RIMBP2: variants seen among roughly 807,000 people sequenced by gnomAD.
RIMBP2 encodes RIMS-binding protein 2.
Under a neutral mutation model 118.6 loss-of-function variants are expected in RIMBP2, and 48 were observed. The observed-to-expected ratio is 0.40, with a 90% CI of 0.32 to 0.51. The LOEUF is 0.51. RIMBP2 is among the 20% of genes least tolerant of loss of function. The pLI, the probability that RIMBP2 is intolerant of heterozygous loss-of-function variation, is 0.41. For synonymous variants in RIMBP2, 762 were observed against 742.9 expected (o/e 1.03, Z -0.42); for missense variants, 1,551 against 1,768.3 (o/e 0.88, Z 2.20).
At chr12:130,643,414 C>T (rs1405474558) in intron 1 of RIMBP2, among the ~76,000 whole-genome samples, 1 of 152,168 alleles carries the variant, frequency 6.6e-6, no homozygotes, top group Non-Finnish European at 1.5e-5. Context: ...GGACCAGGAC[C>T]ATGGAAGCAC....
intron 1 of RIMBP2, among the ~76,000 whole-genome samples, chr12:130,664,399 G>GCACGCACGCA (rs1566438854): frequency 2.1e-5 from 1 of 48,326 alleles, no homozygotes; most frequent in African/African-American, 5.6e-5. Context: ...GCACACACAC[G>GCACGCACGCA]CACGCACGCA....
chr12:130,475,744 C>G lies in RIMBP2; in HGVS notation c.102+3168G>C, dbSNP rs1420107857. Among the ~76,000 whole-genome samples, 2 of 151,952 alleles carry G rather than the reference C, an allele frequency of 1.3e-5. No individual in the cohort carries two copies. The highest frequency in any genetic ancestry group is 4.8e-5 in the African/African-American group (2 of 41,364). On this transcript the variant is annotated intron_variant, in intron 5 of 22. Coordinates refer to ENST00000690449, the MANE Select transcript of RIMBP2 (RefSeq NM_001393629.1). This position sits in a 1 kb window ranked among gnomAD's most constrained non-coding sequence, Gnocchi z 4.1. ...ATGGGTACACAGAGAAGTAAGACAA[C>G]AAGCAAACAAAAAAGGCAATTAACT...
chr12:130,605,012 G>C (rs56107871), intron 2 of RIMBP2, among the ~76,000 whole-genome samples: 39 of 151,912 alleles, frequency 2.6e-4, no homozygotes, highest in Non-Finnish European at 2.4e-4. Flanking sequence ...TCCTGCACAG[G>C]TGTGTAGCCC....
chr12:130,450,663 C>G lies in RIMBP2; in HGVS notation c.505-387G>C, dbSNP rs575771779. ...CCCCAGTGATCCCACTCTCACTCCC[C>G]CTAGTGCATTCCCCACACAAGCTGG... On this transcript the variant is annotated intron_variant, in intron 8 of 22. Coordinates refer to ENST00000690449, the MANE Select transcript of RIMBP2 (RefSeq NM_001393629.1). This position sits in a 1 kb window ranked among gnomAD's most constrained non-coding sequence, Gnocchi z 4.8. Among the ~76,000 whole-genome samples, 46 of 152,028 alleles carry G rather than the reference C, an allele frequency of 3.0e-4. 1 individual carries two copies. The highest frequency in any genetic ancestry group is 2.4e-3 in the Admixed American group (36 of 15,272).
At chr12:130,533,069 G>A (rs140934696) in intron 2 of RIMBP2, among the ~76,000 whole-genome samples, 27 of 148,426 alleles carry the variant, frequency 1.8e-4, no homozygotes, top group African/African-American at 5.7e-4. Context: ...AATGAGATGC[G>A]TATGTTTAGC....
At chr12:130,449,096 G>A (rs903290636) in intron 9 of RIMBP2, among the ~76,000 whole-genome samples, 1 of 152,234 alleles carries the variant, frequency 6.6e-6, no homozygotes, top group Non-Finnish European at 1.5e-5. Flanking sequence ...GAAGGGCAGG[G>A]ATATCTGCCT....
At chr12:130,690,888 T>G (rs1024062348) in intron 1 of RIMBP2, among the ~76,000 whole-genome samples, 18 of 151,938 alleles carry the variant, frequency 1.2e-4, no homozygotes, top group Admixed American at 1.2e-3. Context: ...CGCTCCCCAG[T>G]GAGATGCCCT....
At chr12:130,474,926 G>C (rs1160700638) in intron 5 of RIMBP2, among the ~76,000 whole-genome samples, 1 of 152,210 alleles carries the variant, frequency 6.6e-6, no homozygotes, top group African/African-American at 2.4e-5. Context: ...ACTGACATGA[G>C]ACGCTCCGTA....
chr12:130,643,881 G>A (rs368019623), intron 1 of RIMBP2, among the ~76,000 whole-genome samples: 52 of 152,146 alleles, frequency 3.4e-4, no homozygotes, highest in African/African-American at 1.2e-3. Context: ...TGGGGTCTGC[G>A]AGGGGCAGCG....
chr12:130,671,218 C>G (rs1336563371), intron 1 of RIMBP2, among the ~76,000 whole-genome samples: 2 of 152,238 alleles, frequency 1.3e-5, no homozygotes, highest in South Asian at 4.2e-4. Flanking sequence ...CGGCCCTGAT[C>G]CAATGTCACA....
chr12:130,428,364 A>G, intron 14 of RIMBP2, 27 bp from the exon 15 acceptor site: 1 of 1,588,080 alleles, frequency 6.3e-7, no homozygotes, highest in Non-Finnish European at 8.6e-7. Flanking sequence ...GGGGCTACTG[A>G]GCGGGTGGCT....
chr12:130,417,159 T>A (rs2136577805), intron 17 of RIMBP2, among the ~76,000 whole-genome samples: 1 of 152,246 alleles, frequency 6.6e-6, no homozygotes, highest in African/African-American at 2.4e-5. Context: ...GGAAATTAGT[T>A]CAGCCACTGT....
At chr12:130,694,127 G>A (rs751641782) in intron 1 of RIMBP2, among the ~76,000 whole-genome samples, 1 of 152,168 alleles carries the variant, frequency 6.6e-6, no homozygotes, top group Non-Finnish European at 1.5e-5. Context: ...CAAGCATGTG[G>A]ACCAGAAGGG....
intron 7 of RIMBP2, among the ~76,000 whole-genome samples, chr12:130,452,122 A>G (rs1051821283): frequency 1.3e-5 from 2 of 152,176 alleles, no homozygotes; most frequent in Admixed American, 6.5e-5. Flanking sequence ...GGTGTGAAAC[A>G]TGACGCGGCT....
chr12:130,585,205 T>C (rs2058804918), intron 2 of RIMBP2, among the ~76,000 whole-genome samples: 1 of 152,098 alleles, frequency 6.6e-6, no homozygotes, highest in Non-Finnish European at 1.5e-5. Flanking sequence ...TCCAGCCCCA[T>C]CATTGCTACC....
chr12:130,678,540 C>G (rs1365467331), intron 1 of RIMBP2, among the ~76,000 whole-genome samples: 1 of 151,996 alleles, frequency 6.6e-6, no homozygotes, highest in Non-Finnish European at 1.5e-5. Context: ...CTTTTTGAGA[C>G]AGAGTCTCAC....
rs73444594 is a variant in RIMBP2, at chr12:130,433,102, T to C, written c.2253+1632A>G. On this transcript the variant is annotated intron_variant, in intron 14 of 22. Coordinates refer to ENST00000690449, the MANE Select transcript of RIMBP2 (RefSeq NM_001393629.1). The stretch of plus-strand genomic sequence containing the variant: ...GCTATGGGACTCCTCCTAACTCTCA[T>C]TTACAACCCAGACCACGCAACTCCA... Among the ~76,000 whole-genome samples, 1,312 of 152,272 alleles carry C rather than the reference T, an allele frequency of 8.6e-3. 19 individuals are homozygous for C. The highest frequency in any genetic ancestry group is 0.03 in the African/African-American group (1,251 of 41,546).
chr12:130,618,177 G>C (rs1057367148), intron 2 of RIMBP2, among the ~76,000 whole-genome samples: 2 of 152,032 alleles, frequency 1.3e-5, no homozygotes, highest in Non-Finnish European at 2.9e-5. Flanking sequence ...GTCAATGCCA[G>C]GCCTAATATT....
At chr12:130,679,296 A>G (rs2136530966) in intron 1 of RIMBP2, among the ~76,000 whole-genome samples, 1 of 152,340 alleles carries the variant, frequency 6.6e-6, no homozygotes, top group East Asian at 1.9e-4. Context: ...TATCCAGTAC[A>G]GAGCCTGGCA....
Sources: gnomAD v4.1 joint callset for allele counts (sites outside exome capture counted in the v4.1 genomes callset) on GRCh38, gnomAD v4.1.1 for gene constraint, Gnocchi (gnomAD v3.1) non-coding constraint, MANE v1.5 for transcripts, NCBI Gene and HGNC (gene_info 2026-07-23, HGNC 2026-07-21) for gene names.